Variants in ZNF184 observed in about 807,000 individuals in gnomAD.
The protein encoded by ZNF184 is zinc finger protein 184.
A neutral mutation model predicts 54.4 loss-of-function variants in ZNF184; 16 were observed. The ratio of observed to expected loss-of-function variants is 0.29; its 90% CI spans 0.20 to 0.45. The LOEUF (loss-of-function observed/expected upper bound fraction) is 0.45. Among genes scored for constraint, ZNF184 ranks in the 20% least tolerant of loss-of-function variants. ZNF184 has a pLI of 1.00. For missense variants in ZNF184, 681 were observed against 888.2 expected, an observed-to-expected ratio of 0.77 and a Z score of 2.97; for synonymous variants, 254 against 295.3, an observed-to-expected ratio of 0.86 and a Z score of 1.43.
chr6:27,439,608 C>T, the ZNF184 span, among the ~76,000 whole-genome samples: 2 of 152,190 alleles, frequency 1.3e-5, no homozygotes, highest in African/African-American at 4.8e-5. Flanking sequence ...ACATAGGTAT[C>T]TTATCATCTC....
At chr6:27,442,165 T>C in the ZNF184 span, among the ~76,000 whole-genome samples, 3 of 152,222 alleles carry the variant, frequency 2.0e-5, no homozygotes, top group African/African-American at 7.2e-5. Context: ...TTGGTTTCAT[T>C]TCCTATTCTC....
the ZNF184 span, among the ~76,000 whole-genome samples, chr6:27,423,543 TCCC>T: frequency 6.6e-6 from 1 of 151,958 alleles, no homozygotes; most frequent in Non-Finnish European, 1.5e-5. Context: ...GCTTGATCCT[TCCC>T]CCAACATTTT....
At chr6:27,471,177 G>A (rs1221383397) in intron 2 of ZNF184, among the ~76,000 whole-genome samples, 1 of 152,160 alleles carries the variant, frequency 6.6e-6, no homozygotes, top group Non-Finnish European at 1.5e-5. Flanking sequence ...TCCTTACCCT[G>A]ATCTGTTCAA....
At chr6:27,420,085 C>T in the ZNF184 span, among the ~76,000 whole-genome samples, 1 of 152,170 alleles carries the variant, frequency 6.6e-6, no homozygotes, top group Non-Finnish European at 1.5e-5. Context: ...CTCAAGAAGC[C>T]TACACTGCAA....
intron 5 of ZNF184, among the ~76,000 whole-genome samples, chr6:27,454,155 G>A (rs796546774): frequency 8.5e-5 from 13 of 152,296 alleles, no homozygotes; most frequent in African/African-American, 2.9e-4. Context: ...AAAAGAAGCA[G>A]GGTAGTCAAT....
At chr6:27,447,225 TGG>T (rs1233238211), downstream of ZNF184, among the ~76,000 whole-genome samples, 2 of 152,178 alleles carry the variant, frequency 1.3e-5, no homozygotes, top group African/African-American at 4.8e-5. Context: ...GATGAGACTC[TGG>T]ACTTTGGAGT....
chr6:27,470,559 A>ATTATATTG lies in ZNF184; in HGVS notation c.7+1728_7+1729insCAATATAA, dbSNP rs1763250558. 2.6e-5 allele frequency among the ~76,000 whole-genome samples: 4 copies of ATTATATTG among 152,356 alleles called. No homozygotes were observed. In the East Asian group the frequency reaches 7.7e-4, roughly 29 times the overall value. Reference sequence around the variant, plus strand: ...AACAGAAGTCTTAAGAAAAAAATGAAGATATTATCTTGGAAGCTCTTAACA... The same window carrying ATTATATTG: ...AACAGAAGTCTTAAGAAAAAAATGAATTATATTGGATATTATCTTGGAAGCTCTTAACA... On this transcript the variant is annotated intron_variant, in intron 2 of 5. Coordinates refer to ENST00000683788, the MANE Select transcript of ZNF184 (RefSeq NM_001318891.2).
the ZNF184 span, among the ~76,000 whole-genome samples, chr6:27,424,121 G>A: frequency 6.6e-6 from 1 of 152,124 alleles, no homozygotes; most frequent in South Asian, 2.1e-4. Flanking sequence ...CTTCTGGTGG[G>A]TTCGTGGTCT....
chr6:27,415,041 G>A, the ZNF184 span, among the ~76,000 whole-genome samples: 1 of 152,146 alleles, frequency 6.6e-6, no homozygotes, highest in African/African-American at 2.4e-5. Flanking sequence ...GGGATATTTT[G>A]AGAGGAATAT....
Position 27,472,208 on chromosome 6 carries a change from G to A in ZNF184, c.7+80C>T. The A allele has an allele frequency of 1.9e-6, 3 of 1,581,558 alleles. No homozygotes were observed. The highest frequency in any genetic ancestry group is 2.6e-6 in the Non-Finnish European group (3 of 1,154,154). ...TCCTTCCTTCCAAATCTCCTGCTCT[G>A]ATCTCAAGTATTTGATACTCCAGTC... On this transcript the variant is annotated intron_variant, in intron 2 of 5. Transcript: ENST00000683788. This position sits in a 1 kb window ranked among gnomAD's most constrained non-coding sequence, Gnocchi z 4.8.
chr6:27,428,923 G>C, the ZNF184 span, among the ~76,000 whole-genome samples: 2 of 152,210 alleles, frequency 1.3e-5, no homozygotes, highest in African/African-American at 4.8e-5. The surrounding 1 kb of genome is among the most constrained non-coding windows in gnomAD (Gnocchi z 4.1). Flanking sequence ...ATCTGGCTAA[G>C]TGTTGGTGAG....
Position 27,451,324 on chromosome 6 carries a change from C to G in ZNF184, c.2235G>C (p.Gln745His). 2 of 1,602,416 alleles carry G rather than the reference C, an allele frequency of 1.2e-6. No individual in the cohort carries two copies. The stretch of plus-strand genomic sequence containing the variant: ...ATTGTCATATGCCAGGATGCAGTCT[C>G]TGATGTTTGTTGAGAGCAGAGCGAT... Reference protein sequence around the residue: ...FRYRSALNKHQRLHPGI With the variant: ...FRYRSALNKHHRLHPGI The change falls in exon 6 of 6, where the codon CAG becomes CAC. Residue 745 changes from glutamine to histidine, a missense_variant. By Grantham distance (24) the Gln-to-His change is conservative. Transcript: ENST00000683788.
the ZNF184 span, among the ~76,000 whole-genome samples, chr6:27,427,528 C>T: frequency 2.6e-5 from 4 of 152,142 alleles, 1 homozygote; most frequent in South Asian, 8.3e-4. Flanking sequence ...AGACATTTTC[C>T]AAAGTTCTGT....
chr6:27,455,139 A>G (rs1762824224), intron 5 of ZNF184, among the ~76,000 whole-genome samples: 2 of 152,234 alleles, frequency 1.3e-5, no homozygotes, highest in Admixed American at 6.5e-5. Flanking sequence ...AAAGCAGCCA[A>G]CTCACCAGCT....
At chr6:27,466,262 T>G (rs1378287461) in intron 3 of ZNF184, among the ~76,000 whole-genome samples, 1 of 152,128 alleles carries the variant, frequency 6.6e-6, no homozygotes, top group Non-Finnish European at 1.5e-5. Context: ...AGGCAAGGAA[T>G]AGATTCTTCC....
chr6:27,433,051 T>C, the ZNF184 span, among the ~76,000 whole-genome samples: 10 of 152,312 alleles, frequency 6.6e-5, no homozygotes, highest in South Asian at 2.1e-4. Flanking sequence ...AGCCTATAGA[T>C]GACTTCAACC....
At chr6:27,464,861 A>C (rs577648217) in intron 3 of ZNF184, among the ~76,000 whole-genome samples, 1 of 151,150 alleles carries the variant, frequency 6.6e-6, no homozygotes, top group Non-Finnish European at 1.5e-5. Flanking sequence ...CTAAAAATAC[A>C]AAAAAATTAG....
the ZNF184 span, among the ~76,000 whole-genome samples, chr6:27,421,656 T>C: frequency 1.3e-5 from 2 of 152,136 alleles, no homozygotes; most frequent in African/African-American, 4.8e-5. Flanking sequence ...CAAAATACAG[T>C]ACAGCTATAG....
the ZNF184 span, among the ~76,000 whole-genome samples, chr6:27,432,354 A>G: frequency 6.6e-6 from 1 of 152,234 alleles, no homozygotes; most frequent in Non-Finnish European, 1.5e-5. This position sits in a 1 kb window ranked among gnomAD's most constrained non-coding sequence, Gnocchi z 4.0. Flanking sequence ...GAATATCCAC[A>G]TCCTGTTTGA....
Sources: gnomAD v4.1 joint callset for allele counts (sites outside exome capture counted in the v4.1 genomes callset) on GRCh38, gnomAD v4.1.1 for gene constraint, Gnocchi (gnomAD v3.1) non-coding constraint, MANE v1.5 for transcripts, NCBI Gene and HGNC (gene_info 2026-07-23, HGNC 2026-07-21) for gene names.